The following CHD6 variants were observed in gnomAD, a reference collection of about 807,000 sequenced individuals.
CHD6 encodes the protein ATP-dependent chromatin remodeler CHD6.
Under a neutral mutation model 276.9 loss-of-function variants are expected in CHD6, and 50 were observed. The observed-to-expected ratio is 0.18, with a 90% confidence interval of 0.14 to 0.23. CHD6 has a LOEUF of 0.23. Ranked by LOEUF, CHD6 falls within the 10% of genes least tolerant of loss-of-function variation. The pLI is 1.00. For synonymous variants in CHD6, 1,173 were observed against 1,229.3 expected, an observed-to-expected ratio of 0.95 and a Z score of 0.96; for missense variants, 2,564 against 3,365.8, an observed-to-expected ratio of 0.76 and a Z score of 5.89.
intron 18 of CHD6, among the ~76,000 whole-genome samples, chr20:41,456,341 T>G (rs551349710): frequency 1.3e-5 from 2 of 151,854 alleles, no homozygotes; most frequent in Admixed American, 1.3e-4. Flanking sequence ...AACCTCCAGA[T>G]GTACCAAACA....
intron 1 of CHD6, among the ~76,000 whole-genome samples, chr20:41,588,200 A>G (rs760517971): frequency 6.6e-6 from 1 of 152,174 alleles, no homozygotes; most frequent in African/African-American, 2.4e-5. Flanking sequence ...AGCAGGATAA[A>G]TGTGTTAGTC....
chr20:41,493,147 A>T (rs1410225523), intron 10 of CHD6, among the ~76,000 whole-genome samples: 1 of 152,188 alleles, frequency 6.6e-6, no homozygotes, highest in East Asian at 1.9e-4. Context: ...ATTCCAGTTG[A>T]GTGAAGAAGG....
In CHD6 at chr20:41,421,058, C is replaced by G; in HGVS notation, c.5577G>C (p.Leu1859Phe). 6.2e-7 allele frequency: 1 copy of G among 1,613,812 alleles called. No individual in the cohort carries two copies. Among genetic ancestry groups the G allele is most frequent in the Non-Finnish European group, 8.5e-7 (1 of 1,179,946 alleles). ...CCTCCTCATCACTGTGGTTCTGACT[C>G]AAAATCAATTTACTTTCTAAGCTTT... The part of the protein sequence containing the change: ...ENKSLESKLI[L>F]SQNHSDEEEE... The change falls in exon 31 of 37, where the codon TTG becomes TTC. Residue 1859 changes from leucine (L) to phenylalanine (F), a missense_variant. By Grantham distance (22) the Leu-to-Phe change is conservative (BLOSUM62 0). Coordinates refer to ENST00000373233, the MANE Select transcript of CHD6 (RefSeq NM_032221.5).
chr20:41,540,432 A>C (rs1290337898), intron 2 of CHD6, among the ~76,000 whole-genome samples: 4 of 152,234 alleles, frequency 2.6e-5, no homozygotes, highest in Admixed American at 1.3e-4. Flanking sequence ...TTAACAGAAA[A>C]ACTTTCATAT....
intron 1 of CHD6, chr20:41,563,930 C>A: frequency 1.5e-6 from 1 of 662,924 alleles, no homozygotes; most frequent in South Asian, 1.8e-5. Context: ...TCTATATATT[C>A]AGTTTCAAGA....
chr20:41,512,520 G>T (rs1336962744), intron 5 of CHD6, among the ~76,000 whole-genome samples: 1 of 150,884 alleles, frequency 6.6e-6, no homozygotes, highest in Non-Finnish European at 1.5e-5. Flanking sequence ...AGAGGCAAAG[G>T]TCTATGGGTA....
intron 1 of CHD6, among the ~76,000 whole-genome samples, chr20:41,615,125 T>C (rs1305394143): frequency 6.6e-6 from 1 of 152,236 alleles, no homozygotes; most frequent in African/African-American, 2.4e-5. Context: ...TGGATACAGA[T>C]GATCAGGGTC....
intron 3 of CHD6, among the ~76,000 whole-genome samples, chr20:41,518,624 G>A (rs1209044901): frequency 2.6e-5 from 4 of 152,170 alleles, no homozygotes; most frequent in Non-Finnish European, 5.9e-5. Flanking sequence ...AGGTAAAGAA[G>A]AAGATACTCT....
intron 27 of CHD6, among the ~76,000 whole-genome samples, chr20:41,432,637 C>T (rs547099234): frequency 1.3e-5 from 2 of 152,054 alleles, no homozygotes; most frequent in East Asian, 1.9e-4. Flanking sequence ...TGAAAGAGAA[C>T]GTTTAAATAA....
chr20:41,490,663 A>G (rs1222375416), intron 11 of CHD6, among the ~76,000 whole-genome samples: 3 of 151,996 alleles, frequency 2.0e-5, no homozygotes, highest in Non-Finnish European at 4.4e-5. Flanking sequence ...AAATACAAAA[A>G]CTAGCAGGGC....
Position 41,445,765 on chromosome 20 carries a change from C to A in CHD6, c.3777G>T (p.Glu1259Asp), listed in dbSNP as rs1054987036. ...CGATGTCAGGCAGAGGTACATCCAG[C>A]TCCCTAGGGAAGGAAGGGTGTAGAC... ...EKAFEGSPARELDVPLPDIDY... is the reference protein window; with the variant it reads ...EKAFEGSPARDLDVPLPDIDY... The change falls in exon 25 of 37, where the codon GAG (glutamate) becomes GAT (aspartate). Residue 1259 changes from glutamate to aspartate, a missense_variant. This residue lies in a region of CHD6 where 515 missense variants were observed against 739.5 expected (regional missense o/e 0.70). Transcript: ENST00000373233. The A allele has an allele frequency of 6.2e-7, 1 of 1,607,946 alleles. No individual in the cohort carries two copies. Among genetic ancestry groups the A allele is most frequent in the Non-Finnish European group, 8.5e-7 (1 of 1,174,438 alleles).
Position 41,473,046 on chromosome 20 carries a change from G to T in CHD6, c.2664+276C>A. The T allele has an allele frequency of 2.9e-6, 1 of 339,964 alleles. No individual in the cohort carries two copies. 21.1% of individuals were successfully genotyped at this position (339,964 alleles called of 1,614,324 possible). A position where few individuals can be genotyped will look rare whatever the true frequency, so the allele number is the denominator to read the frequency against. ...AGTCAAGATTAGTATCTTTATTTCTGATAATAATAATAATTAGTAGTTCTA... is the reference window on the plus strand; with the variant it reads ...AGTCAAGATTAGTATCTTTATTTCTTATAATAATAATAATTAGTAGTTCTA... On this transcript the variant is annotated intron_variant, in intron 17 of 36. Transcript: ENST00000373233. The surrounding 1 kb of genome is among the most constrained non-coding windows in gnomAD (Gnocchi z 4.1).
intron 2 of CHD6, among the ~76,000 whole-genome samples, chr20:41,543,097 T>G (rs530379940): frequency 3.1e-4 from 43 of 140,220 alleles, no homozygotes; most frequent in African/African-American, 1.1e-3. Context: ...AGTGAGACTC[T>G]GTCTCAAAAA....
intron 29 of CHD6, among the ~76,000 whole-genome samples, chr20:41,423,991 C>T (rs1445773904): frequency 6.6e-6 from 1 of 152,164 alleles, no homozygotes; most frequent in Non-Finnish European, 1.5e-5. Flanking sequence ...CTTGATTCAT[C>T]AATTTTAGGA....
At chr20:41,427,133 G>A (rs1259700880) in intron 27 of CHD6, among the ~76,000 whole-genome samples, 2 of 151,650 alleles carry the variant, frequency 1.3e-5, no homozygotes, top group African/African-American at 2.4e-5. Context: ...AGCCATATAT[G>A]GCCTTCTAGC....
intron 33 of CHD6, 125 bp downstream of exon 33, chr20:41,416,463 A>T: frequency 1.2e-6 from 1 of 806,776 alleles, no homozygotes; most frequent in Admixed American, 2.5e-5. Flanking sequence ...AATCAACACT[A>T]ATGGCTTGGC....
rs1255665505 is a variant in CHD6 at position 41,452,604 on chromosome 20, T to TGGA, written c.3323+135_3323+136insTCC. On this transcript the variant is annotated intron_variant, in intron 21 of 36. Transcript: ENST00000373233. The surrounding 1 kb of genome is among the most constrained non-coding windows in gnomAD (Gnocchi z 4.2). The stretch of plus-strand genomic sequence containing the variant: ...ATTCTGGGCAGAAGGCACAGTTCTC[T>TGGA]CTTGCTCCAACAGATCCCCCTTTGC... The TGGA allele has an allele frequency of 1.1e-5, 8 of 756,340 alleles. No individual in the cohort carries two copies. Among genetic ancestry groups the TGGA allele is most frequent in the Non-Finnish European group, 1.5e-5 (7 of 465,610 alleles). 46.9% of individuals were successfully genotyped at this position (756,340 alleles called of 1,614,324 possible).
chr20:41,589,959 A>T (rs923769498), intron 1 of CHD6, among the ~76,000 whole-genome samples: 1 of 151,678 alleles, frequency 6.6e-6, no homozygotes, highest in South Asian at 2.1e-4. Context: ...ACCTGACTTC[A>T]AACTATACTA....
chr20:41,494,806 A>G (rs1246237579), intron 8 of CHD6, among the ~76,000 whole-genome samples: 4 of 152,338 alleles, frequency 2.6e-5, no homozygotes, highest in African/African-American at 9.6e-5. Flanking sequence ...AGCCTCTCAG[A>G]TTCAATTATT....
Sources: gnomAD v4.1 joint callset for allele counts (sites outside exome capture counted in the v4.1 genomes callset) on GRCh38, gnomAD v4.1.1 for gene constraint, gnomAD v4.1.1 regional missense constraint, Gnocchi (gnomAD v3.1) non-coding constraint, MANE v1.5 for transcripts, NCBI Gene and HGNC (gene_info 2026-07-23, HGNC 2026-07-21) for gene names.